The following KCNK9 variants were observed in gnomAD, a reference collection of about 807,000 sequenced individuals.
The protein encoded by KCNK9 is potassium two pore domain channel subfamily K member 9.
A neutral mutation model predicts 10.8 loss-of-function variants in KCNK9; 1 was observed. The ratio of observed to expected loss-of-function variants is 0.09; its 90% CI spans 0.03 to 0.44. The LOEUF (loss-of-function observed/expected upper bound fraction) is 0.44, where lower values mean the gene tolerates loss of function less well. Among genes scored for constraint, KCNK9 ranks in the 20% least tolerant of loss-of-function variants. The pLI is 0.97. For missense variants in KCNK9, 303 were observed against 515.0 expected, an observed-to-expected ratio of 0.59 and a Z score of 3.98; for synonymous variants, 231 against 222.7, an observed-to-expected ratio of 1.04 and a Z score of -0.33.
intron 1 of KCNK9, among the ~76,000 whole-genome samples, chr8:139,679,277 C>T (rs1252821547): frequency 6.6e-6 from 1 of 152,246 alleles, no homozygotes; most frequent in East Asian, 1.9e-4. Context: ...CCAGCTGGCA[C>T]CTGCCTCTGC....
chr8:139,697,640 T>A (rs987791541), intron 1 of KCNK9, among the ~76,000 whole-genome samples: 1 of 152,078 alleles, frequency 6.6e-6, no homozygotes, highest in African/African-American at 2.4e-5. Context: ...TAGACTCCAC[T>A]GATGAAAGTG....
intron 1 of KCNK9, among the ~76,000 whole-genome samples, chr8:139,676,980 C>T (rs759428465): frequency 6.6e-6 from 1 of 151,964 alleles, no homozygotes; most frequent in South Asian, 2.1e-4. Flanking sequence ...AACAGACAGA[C>T]AAAACAAAAC....
chr8:139,615,050 G>T (rs774139868), downstream of KCNK9, among the ~76,000 whole-genome samples: 1 of 152,210 alleles, frequency 6.6e-6, no homozygotes, highest in African/African-American at 2.4e-5. Context: ...TGGGAGAAGG[G>T]TATGAAAATC....
chr8:139,609,106 A>ACCCCCCCCCCCCCCCCCCCCC (rs1554617339), downstream of KCNK9, among the ~76,000 whole-genome samples: 1 of 123,852 alleles, frequency 8.1e-6, no homozygotes, highest in African/African-American at 3.2e-5. Context: ...GACCCATCCC[A>ACCCCCCCCCCCCCCCCCCCCC]CCCCACCCCG....
chr8:139,673,201 G>A (rs1461180762), intron 1 of KCNK9, among the ~76,000 whole-genome samples: 3 of 152,076 alleles, frequency 2.0e-5, no homozygotes, highest in Non-Finnish European at 2.9e-5. Context: ...GGCCTGGGGG[G>A]AATGGAGGGC....
chr8:139,632,837 A>G (rs755361641), intron 1 of KCNK9, among the ~76,000 whole-genome samples: 4 of 152,136 alleles, frequency 2.6e-5, no homozygotes, highest in Admixed American at 6.5e-5. Context: ...CATGAAGCCA[A>G]TGGCATTTGG....
At position 139,618,840 on chromosome 8, in the gene KCNK9, A is replaced by C. The variant is rs1814683717; in HGVS notation, c.543T>G (p.Cys181Trp). Reference protein sequence around the residue: ...LCIGAAAFSQCEEWSFFHAYY... With the variant: ...LCIGAAAFSQWEEWSFFHAYY... ...AGGCGTGGAAGAAGCTCCACTCCTC[A>C]CACTGGGAGAAGGCGGCCGCCCCGA... Residue 181 changes from cysteine to tryptophan, a missense_variant, in exon 2 of 2, where the codon TGT (cysteine) becomes TGG (tryptophan). Around this residue, in one of 5 missense-constraint regions of KCNK9, gnomAD observed 53 missense variants for 134.9 expected, o/e 0.39. Coordinates refer to ENST00000520439, the MANE Select transcript of KCNK9 (RefSeq NM_001282534.2). The surrounding 1 kb of genome is among the most constrained non-coding windows in gnomAD (Gnocchi z 7.9). The C allele has an allele frequency of 6.2e-7, 1 of 1,614,210 alleles. No individual in the cohort carries two copies. The highest frequency in any genetic ancestry group is 8.5e-7 in the Non-Finnish European group (1 of 1,180,030).
At chr8:139,644,019 C>T (rs28401625) in intron 1 of KCNK9, among the ~76,000 whole-genome samples, 6,529 of 152,322 alleles carry the variant, frequency 0.043, 511 homozygotes, top group East Asian at 0.37. Flanking sequence ...ACGATACCCA[C>T]AGTCAGGAAC....
intron 1 of KCNK9, among the ~76,000 whole-genome samples, chr8:139,620,250 T>C (rs1018567174): frequency 1.1e-4 from 17 of 152,166 alleles, no homozygotes; most frequent in African/African-American, 4.1e-4. Context: ...GACAGAAATT[T>C]TGAAGGATGT....
chr8:139,660,452 ATAT>A (rs1816126034), intron 1 of KCNK9, among the ~76,000 whole-genome samples: 5 of 97,612 alleles, frequency 5.1e-5, no homozygotes, highest in African/African-American at 2.9e-4. Flanking sequence ...AAAAAAAAAT[ATAT>A]ATATATATAT....
At position 139,693,224 on chromosome 8, in the gene KCNK9, C is replaced by T. The variant is rs1279506151; in HGVS notation, c.283+9486G>A. 6.6e-6 allele frequency among the ~76,000 whole-genome samples: 1 copy of T among 152,178 alleles called. No individual in the cohort carries two copies. Among genetic ancestry groups the T allele is most frequent in the Non-Finnish European group, 1.5e-5 (1 of 68,034 alleles). The stretch of plus-strand genomic sequence containing the variant: ...AGCCAAAGTCCATTTCACAAGTAGG[C>T]ATCTCTTCCTGCCAGATGCCCTGCA... On this transcript the variant is annotated intron_variant, in intron 1 of 1. Coordinates refer to ENST00000520439, the MANE Select transcript of KCNK9 (RefSeq NM_001282534.2). The surrounding 1 kb of genome is among the most constrained non-coding windows in gnomAD (Gnocchi z 4.1).
intron 1 of KCNK9, among the ~76,000 whole-genome samples, chr8:139,652,240 C>T (rs1049626893): frequency 3.9e-5 from 6 of 152,144 alleles, no homozygotes; most frequent in African/African-American, 1.4e-4. Flanking sequence ...ACACTGAGTT[C>T]CCCTCCCAGC....
intron 1 of KCNK9, among the ~76,000 whole-genome samples, chr8:139,655,160 A>G (rs1051587057): frequency 2.6e-5 from 4 of 152,054 alleles, no homozygotes; most frequent in Non-Finnish European, 5.9e-5. Context: ...GCTGACAGTG[A>G]CGAGGGAATG....
intron 1 of KCNK9, among the ~76,000 whole-genome samples, chr8:139,640,101 C>T (rs1345868254): frequency 2.0e-5 from 3 of 152,208 alleles, no homozygotes; most frequent in Non-Finnish European, 2.9e-5. Flanking sequence ...CCAGGCCAGG[C>T]TCGGATAGAT....
chr8:139,686,840 T>A (rs1401109981), intron 1 of KCNK9, among the ~76,000 whole-genome samples: 1 of 152,050 alleles, frequency 6.6e-6, no homozygotes, highest in East Asian at 1.9e-4. Context: ...AAAAATAAAC[T>A]CACTTGCAAA....
chr8:139,701,453 G>A (rs1817217396), intron 1 of KCNK9, among the ~76,000 whole-genome samples: 1 of 152,006 alleles, frequency 6.6e-6, no homozygotes, highest in African/African-American at 2.4e-5. Context: ...TTTTCAGTAT[G>A]CAGAGATTTC....
At chr8:139,625,205 C>T (rs1465376811) in intron 1 of KCNK9, among the ~76,000 whole-genome samples, 5 of 152,176 alleles carry the variant, frequency 3.3e-5, no homozygotes, top group African/African-American at 9.7e-5. Context: ...TAGCCAAGGA[C>T]GTCTGGGCCC....
At chr8:139,636,663 C>A (rs1452586517) in intron 1 of KCNK9, among the ~76,000 whole-genome samples, 1 of 152,206 alleles carries the variant, frequency 6.6e-6, no homozygotes, top group Non-Finnish European at 1.5e-5. Context: ...AGAACACTGG[C>A]AAAACCATCA....
intron 1 of KCNK9, among the ~76,000 whole-genome samples, chr8:139,661,177 G>C (rs1246950101): frequency 6.6e-6 from 1 of 152,198 alleles, no homozygotes; most frequent in Admixed American, 6.5e-5. Context: ...ACCCCATGCT[G>C]ACCCAGTCTT....
Sources: allele counts gnomAD v4.1 joint callset (sites outside exome capture counted in the v4.1 genomes callset), GRCh38; gene constraint gnomAD v4.1.1; regional missense constraint gnomAD v4.1.1; non-coding constraint Gnocchi (gnomAD v3.1); transcripts MANE v1.5; gene names NCBI Gene and HGNC (gene_info 2026-07-23, HGNC 2026-07-21).